Variants in LRRTM4 observed in about 807,000 individuals in gnomAD.
LRRTM4 encodes leucine rich repeat transmembrane neuronal 4, also known as leucine-rich repeat transmembrane neuronal protein 4.
LRRTM4 carries 25 observed loss-of-function variants against 47.6 expected under a neutral mutation model. The observed-to-expected ratio is 0.53, with a 90% CI of 0.38 to 0.73. LRRTM4 has a LOEUF of 0.73. Ranked by LOEUF, LRRTM4 falls within the 30% of genes least tolerant of loss-of-function variation. The probability of loss-of-function intolerance (pLI) is 0.00; values close to 1 mark genes in which losing one functional copy is unlikely to be tolerated. For synonymous variants in LRRTM4, 311 were observed against 269.5 expected, an observed-to-expected ratio of 1.15 and a Z score of -1.51; for missense variants, 638 against 713.4, an observed-to-expected ratio of 0.89 and a Z score of 1.20.
chr2:77,396,325 C>T (rs1398829680), intron 3 of LRRTM4, among the ~76,000 whole-genome samples: 1 of 151,778 alleles, frequency 6.6e-6, no homozygotes. Context: ...ATTGTTTATG[C>T]TCCCCTCAAG....
At chr2:77,006,931 G>A (rs765711366) in intron 3 of LRRTM4, among the ~76,000 whole-genome samples, 1 of 152,070 alleles carries the variant, frequency 6.6e-6, no homozygotes, top group Non-Finnish European at 1.5e-5. Context: ...CAATCACATT[G>A]ACACAAACAT....
intron 3 of LRRTM4, among the ~76,000 whole-genome samples, chr2:77,493,334 A>G (rs1009712788): frequency 2.0e-5 from 3 of 152,144 alleles, no homozygotes; most frequent in Non-Finnish European, 2.9e-5. Context: ...GAGACGAAGC[A>G]TTATATTCAA....
chr2:77,378,940 A>G (rs1218980342), intron 3 of LRRTM4, among the ~76,000 whole-genome samples: 1 of 152,068 alleles, frequency 6.6e-6, no homozygotes, highest in Non-Finnish European at 1.5e-5. Context: ...TCCTTTTGTC[A>G]TTATGCATAA....
chr2:77,397,756 T>G (rs1673758548), intron 3 of LRRTM4, among the ~76,000 whole-genome samples: 1 of 151,894 alleles, frequency 6.6e-6, no homozygotes. Context: ...TACTGTCCTC[T>G]TATCAGTAAA....
chr2:77,280,480 A>G (rs983897508), intron 3 of LRRTM4, among the ~76,000 whole-genome samples: 6 of 152,084 alleles, frequency 3.9e-5, no homozygotes, highest in African/African-American at 1.2e-4. Context: ...AATATCTTCT[A>G]TTACTTCAGA....
At chr2:77,099,235 A>C (rs1485042583) in intron 3 of LRRTM4, among the ~76,000 whole-genome samples, 1 of 151,936 alleles carries the variant, frequency 6.6e-6, no homozygotes, top group African/African-American at 2.4e-5. Flanking sequence ...CTATAGAATA[A>C]TGAAAACATT....
chr2:77,454,750 A>G (rs918627436), intron 3 of LRRTM4, among the ~76,000 whole-genome samples: 1 of 152,226 alleles, frequency 6.6e-6, no homozygotes, highest in African/African-American at 2.4e-5. Context: ...TTCATTTATT[A>G]ACTTTACTCA....
chr2:77,073,311 T>A (rs1680223188), intron 3 of LRRTM4, among the ~76,000 whole-genome samples: 1 of 152,110 alleles, frequency 6.6e-6, no homozygotes, highest in African/African-American at 2.4e-5. Flanking sequence ...TTGGAAAAAA[T>A]TAGTAAAATA....
chr2:77,363,850 A>G (rs546069780), intron 3 of LRRTM4, among the ~76,000 whole-genome samples: 2 of 152,254 alleles, frequency 1.3e-5, no homozygotes, highest in Admixed American at 6.5e-5. Flanking sequence ...TTAACAAAAC[A>G]TATTATATAA....
At chr2:77,047,058 C>T (rs1049979250) in intron 3 of LRRTM4, among the ~76,000 whole-genome samples, 14 of 152,028 alleles carry the variant, frequency 9.2e-5, no homozygotes, top group African/African-American at 3.4e-4. Context: ...GGTTCAGAAA[C>T]ATGTTACATC....
rs1173671486 is a variant in LRRTM4 at position 77,519,473 on chromosome 2, A to T, written c.396T>A (p.Val132=). Residue 132 remains valine (V), a synonymous_variant, in exon 3 of 4, where the codon GTT becomes GTA. Transcript: ENST00000409884. This position sits in a 1 kb window ranked among gnomAD's most constrained non-coding sequence, Gnocchi z 4.6. ...AGAGGTCCAGATTGCGGAGATTGGG[A>T]ACTGGGTGAAATGTTTTATTGTGCA... is the stretch of plus-strand genomic sequence containing the variant. ...TYLHNKTFHP[V]PNLRNLDLSY... 1.1e-5 allele frequency: 17 copies of T among 1,613,328 alleles called. No individual in the cohort carries two copies. Among genetic ancestry groups the T allele is most frequent in the Non-Finnish European group, 1.4e-5 (16 of 1,179,650 alleles).
chr2:77,475,499 T>C (rs1436221398), intron 3 of LRRTM4, among the ~76,000 whole-genome samples: 1 of 152,036 alleles, frequency 6.6e-6, no homozygotes, highest in African/African-American at 2.4e-5. Context: ...AAGTAATATA[T>C]AGTGATCTCA....
chr2:76,983,474 C>A (rs189685248), intron 3 of LRRTM4, among the ~76,000 whole-genome samples: 1 of 151,880 alleles, frequency 6.6e-6, no homozygotes, highest in Non-Finnish European at 1.5e-5. Context: ...AATGGGAGTT[C>A]CCTGCACGAG....
intron 3 of LRRTM4, among the ~76,000 whole-genome samples, chr2:77,106,856 T>C (rs72807260): frequency 0.12 from 18,090 of 151,936 alleles, 1,331 homozygotes; most frequent in East Asian, 0.17. Context: ...AATTTTTTCC[T>C]TAGATTACTA....
chr2:76,995,536 A>G (rs1374053521), intron 3 of LRRTM4, among the ~76,000 whole-genome samples: 1 of 151,904 alleles, frequency 6.6e-6, no homozygotes, highest in African/African-American at 2.4e-5. Context: ...GGGGAGGCAA[A>G]CGGGGGACTG....
intron 3 of LRRTM4, among the ~76,000 whole-genome samples, chr2:77,488,249 C>T (rs1206383553): frequency 6.6e-6 from 1 of 152,224 alleles, no homozygotes; most frequent in East Asian, 1.9e-4. Flanking sequence ...CTGGAAGCCA[C>T]TTGCGGTACA....
chr2:76,941,497 A>T (rs1409985070), intron 3 of LRRTM4, among the ~76,000 whole-genome samples: 4 of 142,330 alleles, frequency 2.8e-5, no homozygotes, highest in Non-Finnish European at 4.6e-5. Flanking sequence ...CCAGTATGTT[A>T]TGTTCCCCTC....
intron 3 of LRRTM4, among the ~76,000 whole-genome samples, chr2:77,444,391 A>G (rs1350124998): frequency 6.6e-6 from 1 of 152,096 alleles, no homozygotes; most frequent in Non-Finnish European, 1.5e-5. Flanking sequence ...CATTATAGTG[A>G]TATATTCCCT....
chr2:76,769,427 T>C (rs546396881), intron 3 of LRRTM4, among the ~76,000 whole-genome samples: 4 of 152,242 alleles, frequency 2.6e-5, no homozygotes, highest in African/African-American at 7.2e-5. Flanking sequence ...AACTTCTCTA[T>C]TGGGAGTAGT....
Sources: gnomAD v4.1 joint callset for allele counts (sites outside exome capture counted in the v4.1 genomes callset) on GRCh38, gnomAD v4.1.1 for gene constraint, Gnocchi (gnomAD v3.1) non-coding constraint, MANE v1.5 for transcripts, NCBI Gene and HGNC (gene_info 2026-07-23, HGNC 2026-07-21) for gene names.